ROBO2: variants seen among roughly 807,000 people sequenced by gnomAD.
ROBO2 encodes the protein roundabout guidance receptor 2, also known as roundabout homolog 2.
Under a neutral mutation model 160.8 loss-of-function variants are expected in ROBO2, and 53 were observed. The ratio of observed to expected loss-of-function variants is 0.33; its 90% CI spans 0.26 to 0.41. The LOEUF is 0.41. Ranked by LOEUF, ROBO2 falls within the 10% of genes least tolerant of loss-of-function variation. The pLI is 1.00. For synonymous variants in ROBO2, 664 were observed against 611.7 expected (o/e 1.09, Z -1.26); for missense variants, 1,577 against 1,722.4 (o/e 0.92, Z 1.49).
intron 2 of ROBO2, among the ~76,000 whole-genome samples, chr3:76,247,607 C>T (rs1432359975): frequency 6.6e-6 from 1 of 151,938 alleles, no homozygotes; most frequent in Non-Finnish European, 1.5e-5. Context: ...GTTTTGAAAC[C>T]TGAGGACCCA....
At chr3:76,004,998 G>A (rs2065981102) in intron 2 of ROBO2, among the ~76,000 whole-genome samples, 1 of 152,196 alleles carries the variant, frequency 6.6e-6, no homozygotes, top group African/African-American at 2.4e-5. Context: ...CTTGTGAACA[G>A]ATTCAGCTGA....
chr3:77,374,756 T>C (rs1423768006), intron 2 of ROBO2, among the ~76,000 whole-genome samples: 3 of 152,204 alleles, frequency 2.0e-5, no homozygotes, highest in Non-Finnish European at 2.9e-5. Context: ...GAATTACTCT[T>C]AGTTGCTTGT....
At chr3:76,495,941 G>T (rs1577639503) in intron 2 of ROBO2, among the ~76,000 whole-genome samples, 1 of 152,142 alleles carries the variant, frequency 6.6e-6, no homozygotes, top group African/African-American at 2.4e-5. Context: ...ATTTTGTAAT[G>T]AATTTAATTA....
At chr3:76,927,562 G>A (rs1359073950) in intron 2 of ROBO2, among the ~76,000 whole-genome samples, 1 of 152,112 alleles carries the variant, frequency 6.6e-6, no homozygotes, top group African/African-American at 2.4e-5. Flanking sequence ...CATTGTCAAG[G>A]AAAGAAATAC....
rs544697884 is a variant in ROBO2 at position 76,916,092 on chromosome 3, T to C, written c.110-181922T>C. Among the ~76,000 whole-genome samples, 56 of 152,228 alleles carry C rather than the reference T, an allele frequency of 3.7e-4. 1 individual carries two copies. Among genetic ancestry groups the C allele is most frequent in the African/African-American group, 1.1e-3 (45 of 41,528 alleles). ...AGGGTTAGGGTTTCAATATATGAAT[T>C]TGGGGGCTGGGGGGACGCAGTCCAA... On this transcript the variant is annotated intron_variant, in intron 2 of 26. Transcript: ENST00000487694.
intron 2 of ROBO2, among the ~76,000 whole-genome samples, chr3:77,382,389 G>A (rs1250080661): frequency 6.8e-6 from 1 of 147,228 alleles, no homozygotes; most frequent in Non-Finnish European, 1.5e-5. Flanking sequence ...GGTGTTTTAA[G>A]TAATTCTCTT....
intron 2 of ROBO2, among the ~76,000 whole-genome samples, chr3:77,245,639 G>C (rs1451958605): frequency 6.6e-6 from 1 of 152,194 alleles, no homozygotes; most frequent in East Asian, 1.9e-4. Flanking sequence ...ATACAAGGGA[G>C]ATTCAGAGAA....
chr3:77,390,423 G>T (rs557898353), intron 2 of ROBO2, among the ~76,000 whole-genome samples: 1 of 152,108 alleles, frequency 6.6e-6, no homozygotes, highest in Non-Finnish European at 1.5e-5. Context: ...ATTGAATCAC[G>T]GGGATGGGTC....
chr3:76,483,106 A>AT (rs2079296453), intron 2 of ROBO2, among the ~76,000 whole-genome samples: 1 of 152,004 alleles, frequency 6.6e-6, no homozygotes, highest in Non-Finnish European at 1.5e-5. Flanking sequence ...TTGGCTGTTT[A>AT]TTTTTTTAAT....
intron 2 of ROBO2, among the ~76,000 whole-genome samples, chr3:76,409,172 C>T (rs540010071): frequency 6.6e-6 from 1 of 152,074 alleles, no homozygotes; most frequent in South Asian, 2.1e-4. Flanking sequence ...GTGGAAATCT[C>T]TAAAGACTCA....
chr3:77,244,274 C>G (rs369779181), intron 2 of ROBO2, among the ~76,000 whole-genome samples: 1 of 151,908 alleles, frequency 6.6e-6, no homozygotes, highest in South Asian at 2.1e-4. Context: ...GAATTAAGTG[C>G]TAAAGAGATG....
chr3:77,562,499 T>TTATGTA (rs1186584980), intron 9 of ROBO2, 152 bp from the exon 11 acceptor site: 3 of 580,774 alleles, frequency 5.2e-6, no homozygotes, highest in Non-Finnish European at 9.4e-6. Flanking sequence ...TTTCATTATT[T>TTATGTA]TATGTATACA....
chr3:76,035,618 C>T (rs1378887072), intron 2 of ROBO2, among the ~76,000 whole-genome samples: 1 of 151,970 alleles, frequency 6.6e-6, no homozygotes, highest in Non-Finnish European at 1.5e-5. Flanking sequence ...GTTTGATGTG[C>T]TTGCTTTCCA....
chr3:76,369,621 C>A (rs576833932), intron 2 of ROBO2, among the ~76,000 whole-genome samples: 1 of 151,996 alleles, frequency 6.6e-6, no homozygotes, highest in African/African-American at 2.4e-5. Flanking sequence ...TTTATTGTAT[C>A]TTTTCGGCAA....
Position 76,615,909 on chromosome 3 carries a change from A to G in ROBO2, c.110-482105A>G, listed in dbSNP as rs1358524554. Among the ~76,000 whole-genome samples, 4 of 152,304 alleles carry G rather than the reference A, an allele frequency of 2.6e-5. No individual in the cohort carries two copies. In the East Asian group the frequency reaches 7.7e-4, roughly 29 times the overall value. ...AGTCAGAGGCTCAGAATGTAAATGA[A>G]TTATCCAATTTACAAAGCCAGCAAG... is the stretch of plus-strand genomic sequence containing the variant. On this transcript the variant is annotated intron_variant, in intron 2 of 26. Coordinates refer to the ROBO2 transcript ENST00000487694.
At chr3:76,642,341 CTTTTT>C (rs71104611) in intron 2 of ROBO2, among the ~76,000 whole-genome samples, 17 of 62,216 alleles carry the variant, frequency 2.7e-4, no homozygotes, top group African/African-American at 1.2e-3. Flanking sequence ...TTTACACTTG[CTTTTT>C]TTTTTTTTTT....
At chr3:75,913,007 A>G (rs1319661154) in intron 1 of ROBO2, among the ~76,000 whole-genome samples, 1 of 152,214 alleles carries the variant, frequency 6.6e-6, no homozygotes, top group Non-Finnish European at 1.5e-5. Flanking sequence ...TTCAAAGGTC[A>G]GAAGTCCAAA....
chr3:76,384,245 A>C (rs1325167205), intron 2 of ROBO2, among the ~76,000 whole-genome samples: 2 of 152,148 alleles, frequency 1.3e-5, no homozygotes, highest in African/African-American at 2.4e-5. Context: ...GAGAAATGTT[A>C]ATCTATTTCT....
chr3:77,609,345 T>C (rs560437567), intron 21 of ROBO2, among the ~76,000 whole-genome samples: 46 of 152,148 alleles, frequency 3.0e-4, no homozygotes, highest in Middle Eastern at 3.4e-3. Flanking sequence ...ACATAAATCA[T>C]GAGCAAAGAA....
Sources: allele counts gnomAD v4.1 joint callset (sites outside exome capture counted in the v4.1 genomes callset), GRCh38; gene constraint gnomAD v4.1.1; transcripts MANE v1.5; gene names NCBI Gene and HGNC (gene_info 2026-07-23, HGNC 2026-07-21).